The following TMEM132C variants were observed in gnomAD, a reference collection of about 807,000 sequenced individuals.
TMEM132C encodes the protein protein phosphatase 1, regulatory subunit 152.
TMEM132C carries 29 observed loss-of-function variants against 61.4 expected under a neutral mutation model. The observed-to-expected ratio is 0.47, with a 90% CI of 0.35 to 0.64. The LOEUF (loss-of-function observed/expected upper bound fraction) is 0.64, where lower values mean the gene tolerates loss of function less well. Among genes scored for constraint, TMEM132C ranks in the 30% least tolerant of loss-of-function variants. The probability of loss-of-function intolerance (pLI) is 0.00; values close to 1 mark genes in which losing one functional copy is unlikely to be tolerated. For synonymous variants in TMEM132C, 656 were observed against 633.1 expected (o/e 1.04, Z -0.54); for missense variants, 1,408 against 1,476.9 (o/e 0.95, Z 0.76).
At chr12:128,622,288 G>C (rs1953969468) in intron 4 of TMEM132C, among the ~76,000 whole-genome samples, 1 of 138,398 alleles carries the variant, frequency 7.2e-6, no homozygotes, top group Non-Finnish European at 1.5e-5. Context: ...AGGTTGCACT[G>C]AGCCAAGATG....
chr12:128,522,300 C>A (rs1872932507), intron 2 of TMEM132C, among the ~76,000 whole-genome samples: 1 of 152,180 alleles, frequency 6.6e-6, no homozygotes, highest in African/African-American at 2.4e-5. Flanking sequence ...CCACACGATT[C>A]CATTTTCATA....
chr12:128,292,430 G>T (rs150615579), intron 1 of TMEM132C, among the ~76,000 whole-genome samples: 24 of 152,250 alleles, frequency 1.6e-4, no homozygotes, highest in African/African-American at 5.5e-4. Flanking sequence ...TTTGTCAATG[G>T]TTTTTTCTAA....
Position 128,433,323 on chromosome 12 carries a change from C to T in TMEM132C, c.974+17703C>T, listed in dbSNP as rs558254972. The stretch of plus-strand genomic sequence containing the variant: ...TTTCCAGTGGAACAGAACAAAAAGA[C>T]GACTGTGTAACTAAACAATCCAATA... On this transcript the variant is annotated intron_variant, in intron 2 of 8. Transcript: ENST00000435159. Among the ~76,000 whole-genome samples, 55 of 152,232 alleles carry T rather than the reference C, an allele frequency of 3.6e-4. No homozygotes were observed. In the South Asian group the frequency reaches 4.8e-3, roughly 13 times the overall value.
intron 2 of TMEM132C, among the ~76,000 whole-genome samples, chr12:128,506,183 G>A (rs1704287286): frequency 1.3e-5 from 2 of 152,320 alleles, no homozygotes; most frequent in South Asian, 4.1e-4. Context: ...CACGTCTCTA[G>A]ACATCATGCC....
intron 2 of TMEM132C, among the ~76,000 whole-genome samples, chr12:128,451,840 C>G (rs939764691): frequency 2.0e-5 from 3 of 151,860 alleles, no homozygotes; most frequent in Non-Finnish European, 4.4e-5. Flanking sequence ...CCACCTTGGG[C>G]AGTCAAGAGT....
intron 1 of TMEM132C, among the ~76,000 whole-genome samples, chr12:128,385,719 A>G (rs373136691): frequency 2.7e-4 from 41 of 152,222 alleles, no homozygotes; most frequent in Admixed American, 1.3e-4. Context: ...TAAAGAGGAA[A>G]TGTCAGAAAT....
intron 2 of TMEM132C, among the ~76,000 whole-genome samples, chr12:128,500,173 G>A (rs991634743): frequency 1.3e-5 from 2 of 152,168 alleles, no homozygotes; most frequent in Non-Finnish European, 2.9e-5. Context: ...CAACCCAGTT[G>A]CAACTCTACT....
chr12:128,391,793 C>T (rs908470209), intron 1 of TMEM132C, among the ~76,000 whole-genome samples: 3 of 152,260 alleles, frequency 2.0e-5, no homozygotes, highest in African/African-American at 7.2e-5. Context: ...GCATTTTGTC[C>T]CCACACAGAC....
intron 2 of TMEM132C, among the ~76,000 whole-genome samples, chr12:128,472,823 G>A (rs1455581187): frequency 6.6e-6 from 1 of 152,142 alleles, no homozygotes; most frequent in Admixed American, 6.5e-5. Flanking sequence ...TTATAAAATG[G>A]TCCCTGATGA....
At chr12:128,463,827 A>C (rs1411897929) in intron 2 of TMEM132C, among the ~76,000 whole-genome samples, 1 of 152,104 alleles carries the variant, frequency 6.6e-6, no homozygotes, top group Non-Finnish European at 1.5e-5. Flanking sequence ...CTAGATACAG[A>C]GGACACCGAG....
intron 1 of TMEM132C, among the ~76,000 whole-genome samples, chr12:128,398,681 G>A (rs1875046042): frequency 6.6e-6 from 1 of 152,020 alleles, no homozygotes; most frequent in East Asian, 1.9e-4. Context: ...AATCTCTCTG[G>A]GCCTCAATCT....
intron 2 of TMEM132C, among the ~76,000 whole-genome samples, chr12:128,460,222 A>C (rs1870487940): frequency 6.6e-6 from 1 of 152,182 alleles, no homozygotes; most frequent in African/African-American, 2.4e-5. Flanking sequence ...TCTAAATAAA[A>C]ACTGTGGTAG....
rs1006445144 is a variant in TMEM132C, at chr12:128,697,402, G to A, written c.2108G>A (p.Arg703Gln). The change falls in exon 8 of 9, where the codon CGG becomes CAG. Residue 703 changes from arginine to glutamine, a missense_variant. Physicochemically the swap from Arg to Gln is conservative, Grantham distance 43 (BLOSUM62 1). Coordinates refer to ENST00000435159, the MANE Select transcript of TMEM132C (RefSeq NM_001136103.3). ...GTGGTCACAGCTGAGGAGGTGCTGCGGACCCCCAAACAGGTAGGGGGCCAA... is the reference window on the plus strand; with the variant it reads ...GTGGTCACAGCTGAGGAGGTGCTGCAGACCCCCAAACAGGTAGGGGGCCAA... ...TAVVTAEEVL[R>Q]TPKQEAVFST... is the part of the protein sequence containing the mutation. The A allele has an allele frequency of 2.2e-5, 34 of 1,539,752 alleles. No individual in the cohort carries two copies. The highest frequency in any genetic ancestry group is 4.9e-5 in the East Asian group (2 of 40,620).
At chr12:128,361,378 G>A (rs1391033731) in intron 1 of TMEM132C, among the ~76,000 whole-genome samples, 2 of 152,182 alleles carry the variant, frequency 1.3e-5, no homozygotes, top group East Asian at 1.9e-4. Flanking sequence ...GAAGCTCCAA[G>A]GATGTCTTTT....
At chr12:128,288,527 C>T (rs1320252793) in intron 1 of TMEM132C, 2 of 152,178 alleles carry the variant, frequency 1.3e-5, no homozygotes, top group African/African-American at 4.8e-5. Flanking sequence ...AGAGTTCTGC[C>T]ACTGAGTTTT....
intron 1 of TMEM132C, chr12:128,288,702 C>G (rs1871154072): frequency 6.6e-6 from 1 of 152,204 alleles, no homozygotes. Context: ...GGCTGGCACT[C>G]TTATATATTC....
intron 2 of TMEM132C, among the ~76,000 whole-genome samples, chr12:128,497,104 C>A (rs1218506730): frequency 6.6e-6 from 1 of 152,224 alleles, no homozygotes; most frequent in African/African-American, 2.4e-5. Flanking sequence ...CCACTCCAGA[C>A]CCTGTTTGCC....
chr12:128,611,206 C>CG (rs5801809), intron 3 of TMEM132C, among the ~76,000 whole-genome samples: 69,006 of 151,850 alleles, frequency 0.45, 15,797 homozygotes, highest in African/African-American at 0.51. Flanking sequence ...TCAGGAAGTC[C>CG]TTTGAAGCCC....
chr12:128,538,419 G>A (rs909752600), intron 2 of TMEM132C, among the ~76,000 whole-genome samples: 1 of 151,968 alleles, frequency 6.6e-6, no homozygotes, highest in Non-Finnish European at 1.5e-5. Context: ...TCACCGTGTG[G>A]GGCTAATTAT....
Sources: allele counts gnomAD v4.1 joint callset (sites outside exome capture counted in the v4.1 genomes callset), GRCh38; gene constraint gnomAD v4.1.1; transcripts MANE v1.5; gene names NCBI Gene and HGNC (gene_info 2026-07-23, HGNC 2026-07-21).